PCDH9: variants seen among roughly 807,000 people sequenced by gnomAD.
PCDH9 encodes the protein protocadherin-9.
PCDH9 carries 24 observed loss-of-function variants against 70.6 expected under a neutral mutation model. The observed-to-expected ratio is 0.34, with a 90% CI of 0.25 to 0.48. The LOEUF (loss-of-function observed/expected upper bound fraction) is 0.48. Ranked by LOEUF, PCDH9 falls within the 20% of genes least tolerant of loss-of-function variation. The pLI, the probability that PCDH9 is intolerant of heterozygous loss-of-function variation, is 0.99. For synonymous variants in PCDH9, 562 were observed against 558.5 expected, an observed-to-expected ratio of 1.01 and a Z score of -0.09; for missense variants, 1,281 against 1,503.6, an observed-to-expected ratio of 0.85 and a Z score of 2.45.
At chr13:67,127,674 A>G (rs61959408) in intron 2 of PCDH9, among the ~76,000 whole-genome samples, 22 of 59,186 alleles carry the variant, frequency 3.7e-4, no homozygotes, top group African/African-American at 1.3e-3. Flanking sequence ...ATATATATAT[A>G]TATGTGTGTG....
chr13:66,750,852 C>T (rs2079446355), intron 3 of PCDH9, among the ~76,000 whole-genome samples: 1 of 151,888 alleles, frequency 6.6e-6, no homozygotes, highest in Admixed American at 6.6e-5. Flanking sequence ...GGTTATATTA[C>T]CAGCAAACTA....
intron 4 of PCDH9, among the ~76,000 whole-genome samples, chr13:66,356,915 G>C (rs1956393227): frequency 6.6e-6 from 1 of 151,964 alleles, no homozygotes; most frequent in Non-Finnish European, 1.5e-5. Context: ...TGGGTAATCG[G>C]CTTAAGGTTA....
At chr13:66,920,505 T>A (rs1195080161) in intron 2 of PCDH9, among the ~76,000 whole-genome samples, 1 of 151,006 alleles carries the variant, frequency 6.6e-6, no homozygotes, top group East Asian at 1.9e-4. Context: ...ACATAATTTC[T>A]TATATTAATA....
In PCDH9 at chr13:66,609,382, T is replaced by A. The variant is rs2077262969; in HGVS notation, c.3340+21828A>T. ...AATGTTTTATAACAAAAATTAATAT[T>A]TTATTACATGGTTATCTCCTCGTAG... On this transcript the variant is annotated intron_variant, in intron 4 of 4. Coordinates refer to ENST00000377865, the MANE Select transcript of PCDH9 (RefSeq NM_203487.3). 2.0e-5 allele frequency among the ~76,000 whole-genome samples: 3 copies of A among 152,164 alleles called. No individual in the cohort carries two copies. The South Asian group carries it at 6.2e-4, about 31-fold the overall frequency.
chr13:66,892,926 A>C (rs149992337), intron 3 of PCDH9, among the ~76,000 whole-genome samples: 76 of 152,232 alleles, frequency 5.0e-4, no homozygotes, highest in African/African-American at 1.8e-3. Context: ...CATGTTGTTT[A>C]AAAATGGAGG....
At chr13:66,353,055 C>A (rs770946482) in intron 4 of PCDH9, among the ~76,000 whole-genome samples, 1 of 152,086 alleles carries the variant, frequency 6.6e-6, no homozygotes, top group Non-Finnish European at 1.5e-5. Flanking sequence ...ATTTAAAGAG[C>A]GAATCAATTA....
At chr13:67,099,991 C>T (rs1233538485) in intron 2 of PCDH9, among the ~76,000 whole-genome samples, 3 of 151,994 alleles carry the variant, frequency 2.0e-5, no homozygotes, top group Admixed American at 2.0e-4. Context: ...CACTCTTCCT[C>T]GTGATGTTAA....
chr13:66,789,007 T>C (rs1432544412), intron 3 of PCDH9, among the ~76,000 whole-genome samples: 2 of 152,132 alleles, frequency 1.3e-5, no homozygotes, highest in Admixed American at 1.3e-4. Flanking sequence ...AAAATCTGTC[T>C]GCTCTTCTTT....
intron 4 of PCDH9, among the ~76,000 whole-genome samples, chr13:66,478,262 C>T (rs1420312094): frequency 1.3e-5 from 2 of 152,140 alleles, no homozygotes; most frequent in African/African-American, 2.4e-5. Flanking sequence ...ACTAGCCATT[C>T]CCCAGCCTTT....
At chr13:66,749,067 C>T (rs1277995861) in intron 3 of PCDH9, among the ~76,000 whole-genome samples, 1 of 152,168 alleles carries the variant, frequency 6.6e-6, no homozygotes, top group East Asian at 1.9e-4. Flanking sequence ...CCCCTTCTGC[C>T]ATGATTATAA....
intron 3 of PCDH9, among the ~76,000 whole-genome samples, chr13:66,798,405 A>C (rs1433629000): frequency 6.6e-6 from 1 of 152,114 alleles, no homozygotes; most frequent in Non-Finnish European, 1.5e-5. Context: ...CCTCTGGAGT[A>C]TATGCAGGCA....
intron 4 of PCDH9, among the ~76,000 whole-genome samples, chr13:66,408,239 T>C (rs770455562): frequency 2.0e-4 from 31 of 152,178 alleles, no homozygotes; most frequent in Non-Finnish European, 3.8e-4. Context: ...TTTGTATTTT[T>C]AGTAGAGACG....
intron 3 of PCDH9, among the ~76,000 whole-genome samples, chr13:66,654,298 A>T (rs1746387086): frequency 1.3e-5 from 2 of 152,096 alleles, no homozygotes; most frequent in South Asian, 4.1e-4. Context: ...AGCGTAGAAG[A>T]ATGGTTACCA....
chr13:66,560,549 T>C (rs1224318147), intron 4 of PCDH9, among the ~76,000 whole-genome samples: 1 of 152,216 alleles, frequency 6.6e-6, no homozygotes, highest in Non-Finnish European at 1.5e-5. Context: ...AAGGCACTTT[T>C]TATCTGTCTT....
chr13:66,714,116 A>T (rs182009532), intron 3 of PCDH9, among the ~76,000 whole-genome samples: 1 of 152,296 alleles, frequency 6.6e-6, no homozygotes, highest in East Asian at 1.9e-4. Context: ...GTAACTTTAT[A>T]TTAGGTTATA....
intron 3 of PCDH9, among the ~76,000 whole-genome samples, chr13:66,841,612 G>A (rs550112505): frequency 9.5e-4 from 144 of 152,062 alleles, no homozygotes; most frequent in Non-Finnish European, 1.9e-3. Context: ...TGAAAAGTCT[G>A]ATCTATAACC....
intron 3 of PCDH9, among the ~76,000 whole-genome samples, chr13:66,696,412 A>G (rs771623134): frequency 1.6e-4 from 25 of 152,218 alleles, no homozygotes; most frequent in Admixed American, 9.2e-4. Context: ...TATTTTAGAA[A>G]GAACATAAGG....
chr13:66,822,133 C>T (rs1467310670), intron 3 of PCDH9, among the ~76,000 whole-genome samples: 5 of 49,388 alleles, frequency 1.0e-4, no homozygotes, highest in African/African-American at 1.4e-4. Context: ...CCATCACACA[C>T]GCGCACACAC....
intron 2 of PCDH9, among the ~76,000 whole-genome samples, chr13:67,102,832 T>G (rs2086461986): frequency 1.3e-5 from 2 of 152,136 alleles, no homozygotes; most frequent in South Asian, 2.1e-4. Flanking sequence ...AGTATATACC[T>G]GAATTTAGTT....
Sources: allele counts gnomAD v4.1 joint callset (sites outside exome capture counted in the v4.1 genomes callset), GRCh38; gene constraint gnomAD v4.1.1; transcripts MANE v1.5; gene names NCBI Gene and HGNC (gene_info 2026-07-23, HGNC 2026-07-21).